Variants in DNAJC1 observed in about 807,000 individuals in gnomAD.
DNAJC1 encodes the protein DnaJ heat shock protein family (Hsp40) member C1.
In DNAJC1, 58 loss-of-function variants were observed where a neutral mutation model predicts 76.6. The ratio of observed to expected loss-of-function variants is 0.76; its 90% CI spans 0.61 to 0.94. DNAJC1 has a LOEUF of 0.94. Among genes scored for constraint, DNAJC1 ranks in the 40% least tolerant of loss-of-function variants. The pLI is 0.00. For missense variants in DNAJC1, 689 were observed against 677.3 expected, an observed-to-expected ratio of 1.02 and a Z score of -0.19; for synonymous variants, 258 against 267.9, an observed-to-expected ratio of 0.96 and a Z score of 0.36.
chr10:21,848,477 T>C (rs1247094157), intron 8 of DNAJC1, among the ~76,000 whole-genome samples: 1 of 152,210 alleles, frequency 6.6e-6, no homozygotes, highest in Non-Finnish European at 1.5e-5. Context: ...GCTTTTGTAT[T>C]CTGTGCTTTT....
intron 7 of DNAJC1, among the ~76,000 whole-genome samples, chr10:21,883,648 C>T (rs1836320058): frequency 6.6e-6 from 1 of 152,124 alleles, no homozygotes. Flanking sequence ...TTTACATTAG[C>T]TTATAGTTGG....
intron 8 of DNAJC1, among the ~76,000 whole-genome samples, chr10:21,842,631 T>C (rs572352043): frequency 3.9e-5 from 6 of 152,262 alleles, no homozygotes; most frequent in Admixed American, 2.6e-4. Flanking sequence ...AAGATGTAAA[T>C]TGAGAAGTCC....
chr10:21,904,136 A>G (rs555566252), intron 7 of DNAJC1, among the ~76,000 whole-genome samples: 1 of 152,346 alleles, frequency 6.6e-6, no homozygotes, highest in South Asian at 2.1e-4. Flanking sequence ...AACAAAAATC[A>G]TTGGTATTTT....
At chr10:21,882,998 C>T (rs536301617) in intron 7 of DNAJC1, among the ~76,000 whole-genome samples, 2 of 152,142 alleles carry the variant, frequency 1.3e-5, no homozygotes, top group Non-Finnish European at 2.9e-5. Flanking sequence ...GGCTCTAATC[C>T]CAGCATTTTG....
chr10:21,982,461 ACAACCC>A (rs1838173136), intron 1 of DNAJC1, among the ~76,000 whole-genome samples: 2 of 152,162 alleles, frequency 1.3e-5, no homozygotes, highest in Non-Finnish European at 2.9e-5. Context: ...GAGTAAATAA[ACAACCC>A]ACAGAATGGG....
chr10:21,975,312 C>G (rs111708726), intron 1 of DNAJC1, among the ~76,000 whole-genome samples: 1 of 151,354 alleles, frequency 6.6e-6, no homozygotes. Flanking sequence ...AAAAAATAAG[C>G]TGCAATAAAT....
At chr10:21,916,438 G>A (rs1836957974) in intron 6 of DNAJC1, among the ~76,000 whole-genome samples, 1 of 152,056 alleles carries the variant, frequency 6.6e-6, no homozygotes, top group Non-Finnish European at 1.5e-5. Context: ...GCAGTGAGCC[G>A]AGATCGCGCC....
chr10:21,954,630 A>G (rs1437424541), intron 1 of DNAJC1, among the ~76,000 whole-genome samples: 1 of 152,204 alleles, frequency 6.6e-6, no homozygotes, highest in East Asian at 1.9e-4. Flanking sequence ...TTACTAAGAT[A>G]TCTTTATTAA....
At position 21,855,587 on chromosome 10, in the gene DNAJC1, T is replaced by C. The variant is rs576835283; in HGVS notation, c.978+26695A>G. 4.6e-5 allele frequency among the ~76,000 whole-genome samples: 7 copies of C among 152,298 alleles called. No individual in the cohort carries two copies. In the South Asian group the frequency reaches 1.5e-3, roughly 32 times the overall value. The stretch of plus-strand genomic sequence containing the variant: ...GCAAGTTGATATTATCAATGATGAA[T>C]ACAAATAGGTGACTGCTAGGGTAAC... On this transcript the variant is annotated intron_variant, in intron 8 of 11. Coordinates refer to ENST00000376980, the MANE Select transcript of DNAJC1 (RefSeq NM_022365.4).
At chr10:21,991,930 C>T (rs1322842548) in intron 1 of DNAJC1, among the ~76,000 whole-genome samples, 4 of 152,110 alleles carry the variant, frequency 2.6e-5, no homozygotes, top group Non-Finnish European at 5.9e-5. Flanking sequence ...ATTTGGCTTC[C>T]AAATTAAGGT....
rs915307824 is a variant in DNAJC1, at chr10:21,814,811, G to A, written c.979-8712C>T. ...TAGAATGCTAAATCCAGTGAAAGTG[G>A]AACAAAAGTAACCTCACAGAAAATG... On this transcript the variant is annotated intron_variant, in intron 8 of 11. Transcript: ENST00000376980. 2.6e-5 allele frequency among the ~76,000 whole-genome samples: 4 copies of A among 152,114 alleles called. No homozygotes were observed. The East Asian group carries it at 5.8e-4, about 22-fold the overall frequency.
intron 3 of DNAJC1, among the ~76,000 whole-genome samples, chr10:21,922,045 G>C (rs547219918): frequency 6.6e-6 from 1 of 152,104 alleles, no homozygotes; most frequent in Admixed American, 6.5e-5. Context: ...TTCTGAGTTA[G>C]TCGCAGGCCT....
intron 1 of DNAJC1, among the ~76,000 whole-genome samples, chr10:21,985,374 C>T (rs775604442): frequency 3.3e-5 from 5 of 152,070 alleles, no homozygotes; most frequent in Admixed American, 1.3e-4. Context: ...CTCAGCCTCC[C>T]GAGTAACTGG....
intron 8 of DNAJC1, among the ~76,000 whole-genome samples, chr10:21,872,556 C>T (rs1442457730): frequency 6.6e-6 from 1 of 152,044 alleles, no homozygotes; most frequent in Non-Finnish European, 1.5e-5. Context: ...AGGGGCTCAA[C>T]AGCAGATCTG....
intron 9 of DNAJC1, among the ~76,000 whole-genome samples, chr10:21,797,967 T>C (rs1325118632): frequency 6.6e-6 from 1 of 152,192 alleles, no homozygotes; most frequent in Non-Finnish European, 1.5e-5. Flanking sequence ...AAGACAAATG[T>C]TTTGTTTCTT....
intron 8 of DNAJC1, among the ~76,000 whole-genome samples, chr10:21,877,358 T>C (rs1836203434): frequency 6.6e-6 from 1 of 151,754 alleles, no homozygotes; most frequent in African/African-American, 2.4e-5. Context: ...GACTGATTAA[T>C]ATAATTAGTA....
chr10:21,913,418 T>G (rs1035605519), intron 6 of DNAJC1, among the ~76,000 whole-genome samples: 2 of 152,156 alleles, frequency 1.3e-5, no homozygotes, highest in Non-Finnish European at 2.9e-5. Flanking sequence ...TCACTTGGGA[T>G]ATGTGGCACT....
chr10:21,772,157 T>C (rs1367226390), intron 9 of DNAJC1, among the ~76,000 whole-genome samples: 1 of 152,146 alleles, frequency 6.6e-6, no homozygotes, highest in Non-Finnish European at 1.5e-5. Flanking sequence ...TTTTGAGATT[T>C]TTTTCATCCA....
At chr10:21,756,828 G>T in intron 11 of DNAJC1, 73 bp from the exon 12 acceptor site, 1 of 1,391,464 alleles carries the variant, frequency 7.2e-7, no homozygotes, top group South Asian at 1.2e-5. Context: ...TGGCCGGTCT[G>T]CTGGCTTCTG....
Sources: gnomAD v4.1 joint callset for allele counts (sites outside exome capture counted in the v4.1 genomes callset) on GRCh38, gnomAD v4.1.1 for gene constraint, MANE v1.5 for transcripts, NCBI Gene and HGNC (gene_info 2026-07-23, HGNC 2026-07-21) for gene names.